GPC3: variants seen among roughly 807,000 people sequenced by gnomAD.
GPC3 encodes the protein glypican 3.
In GPC3, 3 loss-of-function variants were observed where a neutral mutation model predicts 34.4. The observed-to-expected ratio is 0.09, with a 90% confidence interval of 0.04 to 0.23. GPC3 has a LOEUF of 0.23. Ranked by LOEUF, GPC3 falls within the 10% of genes least tolerant of loss-of-function variation. GPC3 has a pLI of 1.00. For missense variants in GPC3, 351 were observed against 445.6 expected, an observed-to-expected ratio of 0.79 and a Z score of 1.91; for synonymous variants, 177 against 174.0, an observed-to-expected ratio of 1.02 and a Z score of -0.13.
intron 3 of GPC3, among the ~76,000 whole-genome samples, chrX:133,716,681 G>GA (rs2071316602): frequency 9.0e-6 from 1 of 111,616 alleles, no homozygotes; most frequent in Non-Finnish European, 1.9e-5. Context: ...TCAGAATCCT[G>GA]TGGAACACCA....
intron 6 of GPC3, among the ~76,000 whole-genome samples, chrX:133,633,219 T>C (rs777796394): frequency 5.1e-4 from 57 of 112,380 alleles, no homozygotes; most frequent in Non-Finnish European, 6.4e-4. Context: ...TAAACATTAT[T>C]TAGTTGGTTT....
intron 6 of GPC3, among the ~76,000 whole-genome samples, chrX:133,631,086 C>T (rs1326875519): frequency 8.9e-6 from 1 of 111,784 alleles, no homozygotes; most frequent in Non-Finnish European, 1.9e-5. Context: ...ACATGGAACA[C>T]ATTTTTTAAA....
At chrX:133,868,387 T>G (rs2124573150) in intron 2 of GPC3, among the ~76,000 whole-genome samples, 1 of 111,839 alleles carries the variant, frequency 8.9e-6, no homozygotes, top group Admixed American at 9.4e-5. Flanking sequence ...CAAATAATAC[T>G]TGTGGAATCA....
chrX:133,539,255 G>A (rs1053817263), intron 7 of GPC3, among the ~76,000 whole-genome samples: 1 of 111,137 alleles, frequency 9.0e-6, no homozygotes. Context: ...GCTGGTATGG[G>A]GTAGAAGAGC....
chrX:133,791,339 C>A (rs2072158018), intron 2 of GPC3, among the ~76,000 whole-genome samples: 2 of 111,294 alleles, frequency 1.8e-5, no homozygotes, highest in Non-Finnish European at 3.8e-5. Context: ...CATATTTGAG[C>A]AATAGAGTGC....
chrX:133,972,355 CT>C (rs758339867), intron 1 of GPC3, among the ~76,000 whole-genome samples: 1 of 112,393 alleles, frequency 8.9e-6, no homozygotes, highest in Admixed American at 9.4e-5. Flanking sequence ...TCCACTCTGA[CT>C]TCTGGAGATG....
At chrX:133,704,503 T>C (rs1429732138) in intron 3 of GPC3, among the ~76,000 whole-genome samples, 1 of 108,009 alleles carries the variant, frequency 9.3e-6, no homozygotes, top group East Asian at 2.9e-4. Context: ...CTAAGTTTGT[T>C]AAGGAAATGG....
chrX:133,768,208 G>A (rs754789093), intron 2 of GPC3, among the ~76,000 whole-genome samples: 1 of 111,151 alleles, frequency 9.0e-6, no homozygotes, highest in East Asian at 2.8e-4. Context: ...TATACGCAGA[G>A]GGGGAAGAGT....
chrX:133,645,838 G>T (rs1362256340), intron 6 of GPC3, among the ~76,000 whole-genome samples: 1 of 110,620 alleles, frequency 9.0e-6, no homozygotes, highest in Non-Finnish European at 1.9e-5. Context: ...GAAGATGAGA[G>T]TGGGTGGATA....
chrX:133,887,653 A>G (rs1355430154), intron 2 of GPC3, among the ~76,000 whole-genome samples: 1 of 111,769 alleles, frequency 8.9e-6, no homozygotes, highest in East Asian at 2.8e-4. Context: ...GTTCAAAGTC[A>G]TTGCCAGGGC....
intron 2 of GPC3, among the ~76,000 whole-genome samples, chrX:133,952,766 G>T (rs968544006): frequency 6.2e-5 from 7 of 112,604 alleles, no homozygotes; most frequent in Non-Finnish European, 9.4e-5. Context: ...CAAGCTGAGA[G>T]AAAATATTAT....
chrX:133,745,862 C>G (rs2071607165), intron 3 of GPC3, among the ~76,000 whole-genome samples: 1 of 112,444 alleles, frequency 8.9e-6, no homozygotes, highest in Non-Finnish European at 1.9e-5. Context: ...AACTGACTAC[C>G]CTTTGTTTCA....
At chrX:133,559,332 G>C (rs1406977193) in intron 7 of GPC3, among the ~76,000 whole-genome samples, 1 of 100,666 alleles carries the variant, frequency 9.9e-6, no homozygotes, top group Non-Finnish European at 1.9e-5. Context: ...GCAGGAGATT[G>C]ACACATGGCA....
intron 3 of GPC3, among the ~76,000 whole-genome samples, chrX:133,729,702 G>T (rs954102101): frequency 3.6e-5 from 4 of 112,292 alleles, no homozygotes; most frequent in Non-Finnish European, 7.5e-5. Context: ...TGCTACTGGG[G>T]AGAAACCTTA....
intron 2 of GPC3, among the ~76,000 whole-genome samples, chrX:133,784,898 C>A (rs967345726): frequency 1.8e-5 from 2 of 112,029 alleles, no homozygotes; most frequent in Non-Finnish European, 3.8e-5. Flanking sequence ...CGGCCCTAGG[C>A]AACCACTACT....
chrX:133,913,830 G>A (rs1229666847), intron 2 of GPC3, among the ~76,000 whole-genome samples: 1 of 110,118 alleles, frequency 9.1e-6, no homozygotes, highest in Non-Finnish European at 1.9e-5. Context: ...GCTCTCTTTG[G>A]TGGCCTCCCT....
intron 1 of GPC3, among the ~76,000 whole-genome samples, chrX:133,979,626 G>C (rs2076529981): frequency 9.0e-6 from 1 of 111,545 alleles, no homozygotes; most frequent in Non-Finnish European, 1.9e-5. Flanking sequence ...TTTCTCTGCT[G>C]ATATACCCAC....
At chrX:133,669,968 C>T (rs988068219) in intron 5 of GPC3, among the ~76,000 whole-genome samples, 1 of 110,491 alleles carries the variant, frequency 9.1e-6, no homozygotes, top group Non-Finnish European at 1.9e-5. Context: ...TTAGGGATTG[C>T]GGAGGGGGTT....
At chrX:133,600,913 G>T (rs1467036249) in intron 6 of GPC3, among the ~76,000 whole-genome samples, 1 of 112,214 alleles carries the variant, frequency 8.9e-6, no homozygotes, top group East Asian at 2.8e-4. Context: ...AAAGGACACT[G>T]TCCTGTTAGC....
Sources: allele counts gnomAD v4.1 joint callset (sites outside exome capture counted in the v4.1 genomes callset), GRCh38; gene constraint gnomAD v4.1.1; transcripts MANE v1.5; gene names NCBI Gene and HGNC (gene_info 2026-07-23, HGNC 2026-07-21).